FBXO11: variants seen among roughly 807,000 people sequenced by gnomAD.
FBXO11 encodes F-box only protein 11.
In FBXO11, 13 loss-of-function variants were observed where a neutral mutation model predicts 117.0. That is an observed-to-expected ratio of 0.11 (90% CI 0.07 to 0.18). The LOEUF (loss-of-function observed/expected upper bound fraction) is 0.18, where lower values mean the gene tolerates loss of function less well. Ranked by LOEUF, FBXO11 falls within the 10% of genes least tolerant of loss-of-function variation. The probability of loss-of-function intolerance (pLI) is 1.00; values close to 1 mark genes in which losing one functional copy is unlikely to be tolerated. For synonymous variants in FBXO11, 490 were observed against 380.5 expected, an observed-to-expected ratio of 1.29 and a Z score of -3.35; for missense variants, 767 against 1,164.4, an observed-to-expected ratio of 0.66 and a Z score of 4.97.
At chr2:47,820,631 T>C (rs895661045) in intron 13 of FBXO11, among the ~76,000 whole-genome samples, 175 bp from the exon 14 acceptor site, 2 of 152,228 alleles carry the variant, frequency 1.3e-5, no homozygotes, top group Admixed American at 6.5e-5. Flanking sequence ...CAGTATAGTA[T>C]AGCTATGCTA....
At chr2:47,867,865 T>TA in intron 1 of FBXO11, among the ~76,000 whole-genome samples, 1 of 152,150 alleles carries the variant, frequency 6.6e-6, no homozygotes, top group East Asian at 1.9e-4. Flanking sequence ...TTTGAGGCTT[T>TA]AAAAAAACCC....
intron 1 of FBXO11, among the ~76,000 whole-genome samples, chr2:47,861,534 C>T (rs1056703177): frequency 6.6e-6 from 1 of 152,124 alleles, no homozygotes; most frequent in Non-Finnish European, 1.5e-5. Context: ...ATTGCCCTGA[C>T]TGGTCTTGAA....
In FBXO11 at chr2:47,839,634, A is replaced by G; in HGVS notation, c.360+8T>C. The G allele has an allele frequency of 6.2e-7, 1 of 1,608,890 alleles. No homozygotes were observed. The highest frequency in any genetic ancestry group is 8.5e-7 in the Non-Finnish European group (1 of 1,178,852). On this transcript the variant is annotated splice_region_variant and intron_variant, in intron 2 of 22. Transcript: ENST00000403359. ...TACAAAAAGAAAAGCAACTACAGTT[A>G]AAGTTACCTCCATACTGTTCTTTGT...
chr2:47,857,432 G>A (rs1674386314), intron 1 of FBXO11, among the ~76,000 whole-genome samples: 1 of 151,852 alleles, frequency 6.6e-6, no homozygotes, highest in Non-Finnish European at 1.5e-5. Context: ...GAAATTTTAT[G>A]GTCTCATACA....
chr2:47,816,619 G>T (rs1377117198), intron 16 of FBXO11, among the ~76,000 whole-genome samples: 1 of 151,798 alleles, frequency 6.6e-6, no homozygotes, highest in Non-Finnish European at 1.5e-5. Flanking sequence ...TACATACAAA[G>T]ACTTAAAAAT....
At position 47,815,332 on chromosome 2, in the gene FBXO11, C is replaced by T. The variant is rs1670934475; in HGVS notation, c.2007-1465G>A. Among the ~76,000 whole-genome samples, 4 of 152,328 alleles carry T rather than the reference C, an allele frequency of 2.6e-5. No homozygotes were observed. In the South Asian group the frequency reaches 8.3e-4, roughly 32 times the overall value. ...GGGTATCCCCCTCGGGAATGAGGATCTTCCAGGGAGAAGGGAGAGAGTGAC... is the reference window on the plus strand; with the variant it reads ...GGGTATCCCCCTCGGGAATGAGGATTTTCCAGGGAGAAGGGAGAGAGTGAC... On this transcript the variant is annotated intron_variant, in intron 16 of 22. Transcript: ENST00000403359.
At chr2:47,840,617 T>TA (rs1442582325) in intron 1 of FBXO11, among the ~76,000 whole-genome samples, 1 of 151,414 alleles carries the variant, frequency 6.6e-6, no homozygotes, top group African/African-American at 2.4e-5. Flanking sequence ...CCCAGCTAAC[T>TA]AAAAAACAAT....
At chr2:47,885,266 A>T (rs1676736213) in intron 1 of FBXO11, among the ~76,000 whole-genome samples, 1 of 152,236 alleles carries the variant, frequency 6.6e-6, no homozygotes, top group Non-Finnish European at 1.5e-5. Context: ...CAAAAAAAAG[A>T]AAACTGCAGT....
chr2:47,816,171 ATTTT>A (rs549040528), intron 16 of FBXO11, among the ~76,000 whole-genome samples: 3 of 151,430 alleles, frequency 2.0e-5, no homozygotes, highest in Non-Finnish European at 4.4e-5. Context: ...CATAACTGCA[ATTTT>A]TTTTTGTTTT....
intron 4 of FBXO11, among the ~76,000 whole-genome samples, chr2:47,838,418 T>C (rs1474158479): frequency 6.8e-6 from 1 of 147,030 alleles, no homozygotes; most frequent in Non-Finnish European, 1.5e-5. Context: ...AAAAAAACTT[T>C]TCAGAAGTAG....
chr2:47,839,273 G>A, intron 3 of FBXO11, 146 bp downstream of exon 3: 2 of 783,050 alleles, frequency 2.6e-6, no homozygotes, highest in Non-Finnish European at 4.0e-6. Context: ...CAGAGGGAGA[G>A]GTCAGGGTTC....
chr2:47,818,246 G>A (rs573187683), intron 16 of FBXO11, among the ~76,000 whole-genome samples: 74 of 152,320 alleles, frequency 4.9e-4, no homozygotes, highest in African/African-American at 1.5e-3. Flanking sequence ...GCTCAACACA[G>A]TATTGCCACA....
At chr2:47,904,506 C>A (rs1678580268) in intron 1 of FBXO11, among the ~76,000 whole-genome samples, 1 of 152,156 alleles carries the variant, frequency 6.6e-6, no homozygotes, top group Non-Finnish European at 1.5e-5. Flanking sequence ...GGTTACCAGA[C>A]AGTGCTAAAC....
At position 47,818,980 on chromosome 2, in the gene FBXO11, T is replaced by C. The variant is rs185472550; in HGVS notation, c.1896A>G (p.Arg632=). Residue 632 remains arginine, a synonymous_variant, in exon 15 of 23, where the codon AGA becomes AGG. Transcript: ENST00000403359. ...VTTGSTPVLR[R]NRIHSGKQVG... is the part of the protein sequence containing the mutation. ...CCTGCTTGCCACTGTGTATCCGGTT[T>C]CTTCTCAGTACTGGAGTGCTGCCAG... 9.5e-5 allele frequency: 153 copies of C among 1,614,020 alleles called. 11 individuals are homozygous for C. Among genetic ancestry groups the C allele is most frequent in the East Asian group, 6.2e-4 (28 of 44,872 alleles).
chr2:47,820,540 T>C lies in FBXO11; in HGVS notation c.1703-84A>G, dbSNP rs1671306202. The C allele has an allele frequency of 8.0e-6, 8 of 995,718 alleles. No homozygotes were observed. In the East Asian group the frequency reaches 2.0e-4, roughly 25 times the overall value. The allele number at this position is 995,718 out of a possible 1,614,324, so 61.7% of individuals were successfully genotyped here. ...ATTTTACATTAGGTAGTGGTTAAAATTCTTACACTAGAATTTTAGTGACCA... is the reference window on the plus strand; with the variant it reads ...ATTTTACATTAGGTAGTGGTTAAAACTCTTACACTAGAATTTTAGTGACCA... On this transcript the variant is annotated intron_variant, in intron 13 of 22. Coordinates refer to ENST00000403359, the MANE Select transcript of FBXO11 (RefSeq NM_001190274.2).
chr2:47,882,153 G>A (rs894858818), intron 1 of FBXO11, among the ~76,000 whole-genome samples: 5 of 152,284 alleles, frequency 3.3e-5, no homozygotes, highest in Non-Finnish European at 2.9e-5. Flanking sequence ...CTCAAGAAGG[G>A]CTCACATAAA....
chr2:47,848,223 C>A (rs888970595), intron 1 of FBXO11, among the ~76,000 whole-genome samples: 3 of 152,158 alleles, frequency 2.0e-5, no homozygotes, highest in African/African-American at 7.2e-5. Flanking sequence ...AGATCCCCAA[C>A]CCCGGGGCCA....
intron 11 of FBXO11, among the ~76,000 whole-genome samples, chr2:47,831,550 T>C (rs1281845072): frequency 6.6e-6 from 1 of 152,088 alleles, no homozygotes; most frequent in Admixed American, 6.5e-5. Context: ...ATAATCCTAT[T>C]TGCTACAATG....
At chr2:47,833,426 A>G (rs1672326403) in intron 7 of FBXO11, among the ~76,000 whole-genome samples, 1 of 152,222 alleles carries the variant, frequency 6.6e-6, no homozygotes, top group Admixed American at 6.5e-5. Flanking sequence ...ATTTATTTCC[A>G]ACAGTGGCCT....
Sources: gnomAD v4.1 joint callset for allele counts (sites outside exome capture counted in the v4.1 genomes callset) on GRCh38, gnomAD v4.1.1 for gene constraint, MANE v1.5 for transcripts, NCBI Gene and HGNC (gene_info 2026-07-23, HGNC 2026-07-21) for gene names.